The following TMEM278 variants were observed in gnomAD, a reference collection of about 807,000 sequenced individuals.
The protein encoded by TMEM278 is transmembrane protein 88B.
the TMEM278 span, chr1:1,427,767 C>A: frequency 7.5e-7 from 1 of 1,341,314 alleles, no homozygotes. Flanking sequence ...CGAGGACGAG[C>A]AACTCTGCGC....
the TMEM278 span, chr1:1,427,822 G>A: frequency 1.5e-6 from 2 of 1,368,906 alleles, no homozygotes; most frequent in African/African-American, 1.6e-5. Context: ...GGAGGCCTCC[G>A]AGCTCGCGCG....
At chr1:1,426,414 T>G in the TMEM278 span, 1 of 1,348,272 alleles carries the variant, frequency 7.4e-7, no homozygotes, top group Non-Finnish European at 9.6e-7. Flanking sequence ...GGCGGGGGAC[T>G]AGCTGGGGTC....
the TMEM278 span, chr1:1,427,776 G>T: frequency 3.7e-6 from 5 of 1,368,320 alleles, no homozygotes; most frequent in South Asian, 4.5e-5. Flanking sequence ...GCAACTCTGC[G>T]CCTGGGTGTG....
chr1:1,427,396 T>TCACCC, the TMEM278 span, among the ~76,000 whole-genome samples: 4 of 752 alleles, frequency 5.3e-3, no homozygotes, highest in South Asian at 0.031. Flanking sequence ...TGCTCCCCTC[T>TCACCC]TCTCCCCCTT....
chr1:1,426,092 G>A, the TMEM278 span: 3 of 1,357,320 alleles, frequency 2.2e-6, no homozygotes, highest in South Asian at 1.8e-5. Context: ...TCTGCATTGA[G>A]CACCGCCCGG....
the TMEM278 span, among the ~76,000 whole-genome samples, chr1:1,430,252 T>C: frequency 6.6e-6 from 1 of 152,236 alleles, no homozygotes; most frequent in East Asian, 1.9e-4. Context: ...CTCATAGTAA[T>C]TCATCCAGAA....
the TMEM278 span, among the ~76,000 whole-genome samples, chr1:1,428,978 C>T: frequency 1.2e-3 from 148 of 123,416 alleles, no homozygotes; most frequent in African/African-American, 4.6e-3. Flanking sequence ...CTAGCTTGGG[C>T]GAAAGAGCGA....
At chr1:1,426,507 C>T in the TMEM278 span, 18 of 797,262 alleles carry the variant, frequency 2.3e-5, no homozygotes, top group Non-Finnish European at 3.0e-5. Context: ...ACGTGTGCCC[C>T]TCCCTGGCAG....
the TMEM278 span, among the ~76,000 whole-genome samples, chr1:1,429,872 TTTAC>T: frequency 6.6e-6 from 1 of 152,092 alleles, no homozygotes; most frequent in African/African-American, 2.4e-5. Context: ...TGTCTGTTTG[TTTAC>T]TTAGAGACAG....
chr1:1,426,464 C>T, the TMEM278 span: 1 of 1,209,288 alleles, frequency 8.3e-7, no homozygotes, highest in Non-Finnish European at 1.1e-6. Flanking sequence ...GGCACTGTGC[C>T]CCCTTCCAGA....
At chr1:1,429,667 G>C in the TMEM278 span, among the ~76,000 whole-genome samples, 4 of 152,136 alleles carry the variant, frequency 2.6e-5, no homozygotes, top group Non-Finnish European at 4.4e-5. Flanking sequence ...TCCCTCCAGA[G>C]ACTATTCCCC....
At chr1:1,428,959 CACTGCACTCT>C in the TMEM278 span, among the ~76,000 whole-genome samples, 1 of 144,550 alleles carries the variant, frequency 6.9e-6, no homozygotes, top group South Asian at 2.2e-4. Flanking sequence ...AAGATCACGC[CACTGCACTCT>C]AGCTTGGGCG....
the TMEM278 span, chr1:1,426,150 CGGAGGA>C: frequency 7.1e-7 from 1 of 1,405,570 alleles, no homozygotes; most frequent in East Asian, 2.9e-5. Context: ...GGGAGGGAGA[CGGAGGA>C]GGAGGAGGGG....
the TMEM278 span, chr1:1,426,132 G>A: frequency 4.7e-5 from 66 of 1,402,416 alleles, no homozygotes; most frequent in South Asian, 1.0e-3. Context: ...AGGAGCATGA[G>A]TGAGCAGGGG....
chr1:1,428,932 A>G, the TMEM278 span, among the ~76,000 whole-genome samples: 4 of 151,682 alleles, frequency 2.6e-5, no homozygotes, highest in East Asian at 7.7e-4. Flanking sequence ...CCTGGGAGGC[A>G]AAGCTTGCAG....
chr1:1,427,844 C>G, the TMEM278 span: 1 of 1,327,664 alleles, frequency 7.5e-7, no homozygotes. Context: ...GACCCCATCG[C>G]GTGGCCCGGC....
chr1:1,427,745 G>A, the TMEM278 span: 8 of 1,305,364 alleles, frequency 6.1e-6, no homozygotes, highest in Middle Eastern at 2.7e-4. Context: ...GCCGCCCCCC[G>A]GGGCGCCCCG....
At chr1:1,427,788 C>G in the TMEM278 span, 33 of 1,379,858 alleles carry the variant, frequency 2.4e-5, no homozygotes, top group Non-Finnish European at 3.1e-5. Context: ...CTGGGTGTGA[C>G]CCGGCGGCCG....
the TMEM278 span, among the ~76,000 whole-genome samples, chr1:1,429,885 A>G: frequency 6.6e-6 from 1 of 152,304 alleles, no homozygotes; most frequent in East Asian, 1.9e-4. Flanking sequence ...ACTTAGAGAC[A>G]GAGTCTTGCT....
Sources: gnomAD v4.1 joint callset for allele counts (sites outside exome capture counted in the v4.1 genomes callset) on GRCh38, gnomAD v4.1.1 for gene constraint, MANE v1.5 for transcripts, NCBI Gene and HGNC (gene_info 2026-07-23, HGNC 2026-07-21) for gene names.